Variants in PIP5K1B observed in about 807,000 individuals in gnomAD.
The protein encoded by PIP5K1B is phosphatidylinositol 4-phosphate 5-kinase type-1 beta.
PIP5K1B carries 42 observed loss-of-function variants against 67.0 expected under a neutral mutation model. That is an observed-to-expected ratio of 0.63 (90% CI 0.49 to 0.81). The LOEUF is 0.81. Among genes scored for constraint, PIP5K1B ranks in the 30% least tolerant of loss-of-function variants. The pLI is 0.00. For missense variants in PIP5K1B, 459 were observed against 646.3 expected (o/e 0.71, Z 3.14); for synonymous variants, 214 against 231.4 (o/e 0.92, Z 0.68).
Position 68,991,146 on chromosome 9 carries a change from G to A in PIP5K1B, c.1509G>A (p.Gly503=), listed in dbSNP as rs1226968753. 2 of 1,587,836 alleles carry A rather than the reference G, an allele frequency of 1.3e-6. No individual in the cohort carries two copies. The highest frequency in any genetic ancestry group is 1.1e-5 in the South Asian group (1 of 90,550). Residue 503 remains glycine (G), a synonymous_variant, in exon 15 of 16, where the codon GGG becomes GGA. Coordinates refer to ENST00000265382, the MANE Select transcript of PIP5K1B (RefSeq NM_003558.4). ...TTCATCTTTATTTTTCCAGCAAAGG[G>A]TTACCTTCCAGTTCAACATTTACCT... ...DRPTLYSNSK[G]LPSSSTFTLE... is the part of the protein sequence containing the mutation.
chr9:68,897,802 C>T lies in PIP5K1B; in HGVS notation c.771+3164C>T, dbSNP rs184506221. On this transcript the variant is annotated intron_variant, in intron 8 of 15. Transcript: ENST00000265382. ...TGGCTGACCTCCCCCTGCTTCTTGGCGCCCCCACCTCTCCTTTCATATTTT... is the reference window on the plus strand; with the variant it reads ...TGGCTGACCTCCCCCTGCTTCTTGGTGCCCCCACCTCTCCTTTCATATTTT... Among the ~76,000 whole-genome samples the T allele has an allele frequency of 3.9e-4, 59 of 152,062 alleles. 1 individual carries two copies. The highest frequency in any genetic ancestry group is 1.0e-3 in the African/African-American group (43 of 41,470).
intron 1 of PIP5K1B, among the ~76,000 whole-genome samples, chr9:68,737,356 G>T (rs1042623141): frequency 6.6e-6 from 1 of 152,180 alleles, no homozygotes; most frequent in African/African-American, 2.4e-5. Context: ...GTTGTATCTG[G>T]AGCTAGAAGA....
chr9:68,727,109 T>A (rs1358812690), intron 1 of PIP5K1B, among the ~76,000 whole-genome samples: 1 of 152,062 alleles, frequency 6.6e-6, no homozygotes, highest in East Asian at 1.9e-4. Context: ...ACGTTGCAAA[T>A]AAATTAAACA....
intron 14 of PIP5K1B, among the ~76,000 whole-genome samples, chr9:68,978,499 T>G (rs1829736118): frequency 6.6e-6 from 1 of 152,258 alleles, no homozygotes; most frequent in South Asian, 2.1e-4. Flanking sequence ...ATACCACATT[T>G]GCTTTAACCA....
chr9:68,719,447 T>C (rs1827780884), intron 1 of PIP5K1B, among the ~76,000 whole-genome samples: 1 of 152,218 alleles, frequency 6.6e-6, no homozygotes, highest in Admixed American at 6.5e-5. Flanking sequence ...ACAAGGAAGC[T>C]GAATACTGAA....
At position 68,811,172 on chromosome 9, in the gene PIP5K1B, C is replaced by G. The variant is rs139386418; in HGVS notation, c.-85-7289C>G. On this transcript the variant is annotated intron_variant, in intron 2 of 15. Coordinates refer to ENST00000265382, the MANE Select transcript of PIP5K1B (RefSeq NM_003558.4). Reference sequence around the variant, plus strand: ...AGCTATAACAATAGAAACGTGTGTACCAGTTCCTAGCCTACCTCCCAATCC... The same window carrying G: ...AGCTATAACAATAGAAACGTGTGTAGCAGTTCCTAGCCTACCTCCCAATCC... 2.6e-5 allele frequency among the ~76,000 whole-genome samples: 4 copies of G among 152,276 alleles called. No homozygotes were observed. The East Asian group carries it at 5.8e-4, about 22-fold the overall frequency.
intron 2 of PIP5K1B, among the ~76,000 whole-genome samples, chr9:68,766,619 T>C (rs1179916352): frequency 6.6e-6 from 1 of 152,226 alleles, no homozygotes; most frequent in Non-Finnish European, 1.5e-5. Flanking sequence ...TGTACACAGA[T>C]AAAAATCTGG....
chr9:68,927,249 G>A (rs535147474), intron 12 of PIP5K1B, among the ~76,000 whole-genome samples: 35 of 152,260 alleles, frequency 2.3e-4, no homozygotes, highest in African/African-American at 8.2e-4. Context: ...ACAAGGTTTT[G>A]TATGGGCATG....
intron 2 of PIP5K1B, among the ~76,000 whole-genome samples, chr9:68,802,882 T>C (rs1272753202): frequency 6.6e-6 from 1 of 152,136 alleles, no homozygotes; most frequent in Non-Finnish European, 1.5e-5. Flanking sequence ...GGGAAGCCCT[T>C]GCAGGATTTT....
chr9:68,845,946 A>G (rs1487475846), intron 4 of PIP5K1B, among the ~76,000 whole-genome samples: 1 of 152,226 alleles, frequency 6.6e-6, no homozygotes. Context: ...GTTCCATTTA[A>G]TAGTCTTTTT....
intron 4 of PIP5K1B, among the ~76,000 whole-genome samples, chr9:68,834,049 C>T (rs891008308): frequency 6.6e-6 from 1 of 152,184 alleles, no homozygotes; most frequent in Non-Finnish European, 1.5e-5. Flanking sequence ...GATGTTGCCT[C>T]CTAAGATCCT....
At chr9:68,893,814 A>T (rs773878246) in intron 7 of PIP5K1B, among the ~76,000 whole-genome samples, 1 of 152,216 alleles carries the variant, frequency 6.6e-6, no homozygotes, top group Non-Finnish European at 1.5e-5. Flanking sequence ...ATGGCATTCA[A>T]ATTTTTAAAA....
chr9:68,945,522 T>A (rs536729510), intron 14 of PIP5K1B, among the ~76,000 whole-genome samples: 51 of 152,222 alleles, frequency 3.4e-4, no homozygotes, highest in Non-Finnish European at 6.9e-4. Flanking sequence ...AAAAACAGCA[T>A]TGCAAAGGCA....
intron 14 of PIP5K1B, among the ~76,000 whole-genome samples, chr9:68,977,577 T>C (rs1829688870): frequency 6.6e-6 from 1 of 152,098 alleles, no homozygotes; most frequent in African/African-American, 2.4e-5. Flanking sequence ...TGGTTTGCTG[T>C]TGTTGTTGTC....
At chr9:69,001,569 T>G (rs1022789216) in intron 15 of PIP5K1B, among the ~76,000 whole-genome samples, 7 of 151,900 alleles carry the variant, frequency 4.6e-5, no homozygotes, top group African/African-American at 1.7e-4. Flanking sequence ...TGGCAGAAGG[T>G]GAAGGGGAAG....
intron 14 of PIP5K1B, among the ~76,000 whole-genome samples, chr9:68,947,611 G>A (rs1827862599): frequency 6.6e-6 from 1 of 152,172 alleles, no homozygotes; most frequent in African/African-American, 2.4e-5. Context: ...AGAGGAAAGG[G>A]TCAAAGCTTT....
chr9:68,861,846 G>A (rs1456826560), intron 4 of PIP5K1B, among the ~76,000 whole-genome samples: 1 of 151,936 alleles, frequency 6.6e-6, no homozygotes, highest in Non-Finnish European at 1.5e-5. Context: ...TGGCATTGCA[G>A]AGCTCCGAGA....
rs575308402 is a variant in PIP5K1B at position 68,919,506 on chromosome 9, T to A, written c.1011T>A (p.His337Gln). 4 of 1,596,696 alleles carry A rather than the reference T, an allele frequency of 2.5e-6. No homozygotes were observed. The South Asian group carries it at 4.5e-5, about 18-fold the overall frequency. ...TGGGAGGCATTCCAGCTAAAAGCCA[T>A]AGGGGAGAAAAACTACTTTTATTTA... Reference protein sequence around the residue: ...DTMGGIPAKSHRGEKLLLFMG... With the variant: ...DTMGGIPAKSQRGEKLLLFMG... The change falls in exon 10 of 16, where the codon CAT (histidine) becomes CAA (glutamine). Residue 337 changes from histidine to glutamine, a missense_variant. This residue lies in a region of PIP5K1B where 290 missense variants were observed against 474.4 expected (regional missense o/e 0.61). Coordinates refer to ENST00000265382, the MANE Select transcript of PIP5K1B (RefSeq NM_003558.4).
At chr9:68,801,033 C>T (rs553929566) in intron 2 of PIP5K1B, among the ~76,000 whole-genome samples, 4 of 152,330 alleles carry the variant, frequency 2.6e-5, no homozygotes, top group South Asian at 2.1e-4. Context: ...TCTCAGGCCT[C>T]GCTGAGTCAG....
Sources: allele counts gnomAD v4.1 joint callset (sites outside exome capture counted in the v4.1 genomes callset), GRCh38; gene constraint gnomAD v4.1.1; regional missense constraint gnomAD v4.1.1; transcripts MANE v1.5; gene names NCBI Gene and HGNC (gene_info 2026-07-23, HGNC 2026-07-21).